The following NRXN3 variants were observed in gnomAD, a reference collection of about 807,000 sequenced individuals.
The protein encoded by NRXN3 is neurexin III.
A neutral mutation model predicts 137.6 loss-of-function variants in NRXN3; 32 were observed. The ratio of observed to expected loss-of-function variants is 0.23; its 90% CI spans 0.18 to 0.31. The LOEUF (loss-of-function observed/expected upper bound fraction) is 0.31, where lower values mean the gene tolerates loss of function less well. Among genes scored for constraint, NRXN3 ranks in the 10% least tolerant of loss-of-function variants. The probability of loss-of-function intolerance (pLI) is 1.00; values close to 1 mark genes in which losing one functional copy is unlikely to be tolerated. For missense variants in NRXN3, 1,574 were observed against 2,062.5 expected, an observed-to-expected ratio of 0.76 and a Z score of 4.59; for synonymous variants, 798 against 784.5, an observed-to-expected ratio of 1.02 and a Z score of -0.29.
At chr14:78,958,361 C>CTTT (rs371764049) in intron 11 of NRXN3, among the ~76,000 whole-genome samples, 29 of 142,216 alleles carry the variant, frequency 2.0e-4, no homozygotes, top group Non-Finnish European at 4.0e-4. Context: ...TTCTTTCTTT[C>CTTT]TTTTTTTTTT....
intron 16 of NRXN3, among the ~76,000 whole-genome samples, chr14:79,659,582 A>G (rs2098523155): frequency 6.6e-6 from 1 of 152,192 alleles, no homozygotes. Flanking sequence ...TTTCAGTTAC[A>G]CTAATGAGGA....
At chr14:78,229,051 G>C (rs1452382894) in intron 1 of NRXN3, among the ~76,000 whole-genome samples, 1 of 152,178 alleles carries the variant, frequency 6.6e-6, no homozygotes, top group African/African-American at 2.4e-5. Flanking sequence ...CTCCTCTGTG[G>C]CTTTTTGAGG....
At chr14:78,343,925 T>C (rs553013718) in intron 4 of NRXN3, among the ~76,000 whole-genome samples, 2 of 152,358 alleles carry the variant, frequency 1.3e-5, no homozygotes, top group African/African-American at 4.8e-5. Flanking sequence ...CTGGCAGTTC[T>C]ATTAGGCAGT....
At chr14:79,718,682 C>CA (rs34409810) in intron 19 of NRXN3, among the ~76,000 whole-genome samples, 63,765 of 152,016 alleles carry the variant, frequency 0.42, 13,728 homozygotes, top group Middle Eastern at 0.59. Flanking sequence ...TGCTAAATCT[C>CA]AAAACTTTAA....
At chr14:78,712,765 G>A (rs2098415368) in intron 7 of NRXN3, among the ~76,000 whole-genome samples, 1 of 152,142 alleles carries the variant, frequency 6.6e-6, no homozygotes, top group South Asian at 2.1e-4. Flanking sequence ...GTTTCACCAT[G>A]TTGGCCAGGT....
chr14:78,544,305 T>G (rs916347214), intron 4 of NRXN3, among the ~76,000 whole-genome samples: 2 of 152,196 alleles, frequency 1.3e-5, no homozygotes, highest in Admixed American at 6.5e-5. Context: ...ACTGAGACCA[T>G]GGTAATCTTA....
At chr14:78,494,419 GTGTTT>G (rs896755513) in intron 4 of NRXN3, among the ~76,000 whole-genome samples, 3 of 101,968 alleles carry the variant, frequency 2.9e-5, no homozygotes, top group Non-Finnish European at 6.9e-5. Context: ...CCTACCAGAG[GTGTTT>G]TGTTTTTTTT....
At chr14:78,253,685 G>GAA (rs888645379) in intron 2 of NRXN3, among the ~76,000 whole-genome samples, 1 of 151,766 alleles carries the variant, frequency 6.6e-6, no homozygotes, top group Non-Finnish European at 1.5e-5. Context: ...GAAAAAAAAA[G>GAA]AAAAAAACCA....
chr14:79,134,873 A>G (rs1308297309), intron 15 of NRXN3, among the ~76,000 whole-genome samples: 5 of 152,204 alleles, frequency 3.3e-5, no homozygotes, highest in African/African-American at 1.2e-4. Context: ...GGCTGTTGAT[A>G]TAATATCAAA....
intron 15 of NRXN3, among the ~76,000 whole-genome samples, chr14:79,466,654 A>G (rs2096430060): frequency 6.6e-6 from 1 of 152,168 alleles, no homozygotes; most frequent in Admixed American, 6.5e-5. Context: ...ATAGTGAAAT[A>G]GGCAAATGCA....
At chr14:79,097,861 C>T (rs2050622873) in intron 15 of NRXN3, among the ~76,000 whole-genome samples, 1 of 152,144 alleles carries the variant, frequency 6.6e-6, no homozygotes, top group Admixed American at 6.6e-5. Flanking sequence ...TGTGCAAAAT[C>T]CCCATAGCTG....
chr14:79,130,692 G>A (rs976296874), intron 15 of NRXN3, among the ~76,000 whole-genome samples: 38 of 152,166 alleles, frequency 2.5e-4, no homozygotes, highest in African/African-American at 6.5e-4. Flanking sequence ...CCTTTGTGGC[G>A]TTCTCTGTAT....
intron 15 of NRXN3, among the ~76,000 whole-genome samples, chr14:79,011,388 A>G (rs944041634): frequency 1.0e-4 from 1 of 9,882 alleles, no homozygotes; most frequent in Non-Finnish European, 1.9e-4. Context: ...CCCCCAACCC[A>G]CCTCCCCCCA....
At position 78,173,709 on chromosome 14, in the gene NRXN3, C is replaced by CTTTTTTT. The variant is rs10638142; in HGVS notation, c.-704+3044_-704+3050dup. ...CGGCTCTTTTTTCCCTTTTTCCTTG[C>CTTTTTTT]TTTTTTTTTTTTTTTGCAACACAAC... On this transcript the variant is annotated intron_variant, in intron 1 of 20. Coordinates refer to ENST00000335750, the MANE Select transcript of NRXN3 (RefSeq NM_001330195.2). Among the ~76,000 whole-genome samples, 195 of 69,320 alleles carry CTTTTTTT rather than the reference C, an allele frequency of 2.8e-3. 28 individuals are homozygous for CTTTTTTT. The highest frequency in any genetic ancestry group is 3.5e-3 in the Admixed American group (16 of 4,582). 45.5% of individuals were successfully genotyped at this position (69,320 alleles called of 152,430 possible).
intron 15 of NRXN3, among the ~76,000 whole-genome samples, chr14:79,085,454 ATTTTAT>A (rs2047918067): frequency 6.6e-6 from 1 of 152,176 alleles, no homozygotes; most frequent in African/African-American, 2.4e-5. Flanking sequence ...GAACGTGCCC[ATTTTAT>A]TTTTAACGCT....
chr14:78,700,896 C>A (rs1004769719), intron 6 of NRXN3, among the ~76,000 whole-genome samples: 1 of 152,034 alleles, frequency 6.6e-6, no homozygotes, highest in Non-Finnish European at 1.5e-5. Context: ...TTCAGCCTCC[C>A]GAGTAGCTGG....
intron 10 of NRXN3, among the ~76,000 whole-genome samples, chr14:78,853,199 T>C (rs1477750518): frequency 1.3e-5 from 2 of 152,190 alleles, no homozygotes; most frequent in Admixed American, 6.5e-5. Flanking sequence ...GTATATCTCC[T>C]AATGCTATCC....
chr14:79,101,253 T>C (rs2051244100), intron 15 of NRXN3, among the ~76,000 whole-genome samples: 1 of 152,222 alleles, frequency 6.6e-6, no homozygotes, highest in Non-Finnish European at 1.5e-5. Context: ...AGTGTCCCAC[T>C]ATTGTACTTG....
At position 78,962,058 on chromosome 14, in the gene NRXN3, C is replaced by T. The variant is rs183277785; in HGVS notation, c.2396-3967C>T. Among the ~76,000 whole-genome samples the T allele has an allele frequency of 3.4e-3, 519 of 152,282 alleles. 2 individuals carry two copies. The highest frequency in any genetic ancestry group is 0.01 in the Middle Eastern group (3 of 294). ...AACAGCTTCTACATGGAAATTTCAC[C>T]AGTTAAATTCTACCTACTGCTTTTC... On this transcript the variant is annotated intron_variant, in intron 11 of 20. Transcript: ENST00000335750.
Sources: allele counts gnomAD v4.1 joint callset (sites outside exome capture counted in the v4.1 genomes callset), GRCh38; gene constraint gnomAD v4.1.1; transcripts MANE v1.5; gene names NCBI Gene and HGNC (gene_info 2026-07-23, HGNC 2026-07-21).